PTP4A1: variants seen among roughly 807,000 people sequenced by gnomAD.
PTP4A1 encodes the protein protein tyrosine phosphatase 4A1.
Under a neutral mutation model 20.5 loss-of-function variants are expected in PTP4A1, and 9 were observed. The observed-to-expected ratio is 0.44, with a 90% CI of 0.26 to 0.77. The LOEUF is 0.77. Ranked by LOEUF, PTP4A1 falls within the 30% of genes least tolerant of loss-of-function variation. The pLI is 0.19. For synonymous variants in PTP4A1, 78 were observed against 67.4 expected (o/e 1.16, Z -0.77); for missense variants, 137 against 218.8 (o/e 0.63, Z 2.36).
Position 63,579,296 on chromosome 6 carries a change from A to T in PTP4A1, c.369A>T (p.Gly123=). 6.2e-7 allele frequency: 1 copy of T among 1,611,352 alleles called. No homozygotes were observed. The highest frequency in any genetic ancestry group is 8.5e-7 in the Non-Finnish European group (1 of 1,178,530). ...TTGCCCTAGCATTAATTGAAGGTGGAATGAAATACGAAGATGCAGTACAAT... is the reference window on the plus strand; with the variant it reads ...TTGCCCTAGCATTAATTGAAGGTGGTATGAAATACGAAGATGCAGTACAAT... ...VLVALALIEG[G]MKYEDAVQFI... Residue 123 remains glycine, a synonymous_variant, in exon 5 of 6, where the codon GGA becomes GGT. Transcript: ENST00000626021.
intron 4 of PTP4A1, 37 bp downstream of exon 4, chr6:63,579,065 C>G (rs148679337): frequency 1.3e-6 from 2 of 1,530,428 alleles, no homozygotes; most frequent in Non-Finnish European, 1.7e-6. Flanking sequence ...AGGTAAAAAT[C>G]TATTGATAAT....
At chr6:63,531,905 A>C (rs1041382656) in intron 2 of PTP4A1, among the ~76,000 whole-genome samples, 1 of 151,412 alleles carries the variant, frequency 6.6e-6, no homozygotes, top group African/African-American at 2.4e-5. Flanking sequence ...GGGTTCAAGC[A>C]ATTCTCTGCC....
chr6:63,557,066 CAAGTA>C (rs1776719069), intron 3 of PTP4A1, among the ~76,000 whole-genome samples: 1 of 152,094 alleles, frequency 6.6e-6, no homozygotes, highest in Non-Finnish European at 1.5e-5. Flanking sequence ...TATTATGTGC[CAAGTA>C]CTGTGTTAAG....
intron 3 of PTP4A1, among the ~76,000 whole-genome samples, chr6:63,562,558 A>G (rs1777011222): frequency 6.6e-6 from 1 of 152,196 alleles, no homozygotes. Flanking sequence ...GATATCACCC[A>G]CTATGAGTTG....
chr6:63,565,855 A>G (rs1216423283), intron 3 of PTP4A1, among the ~76,000 whole-genome samples: 1 of 152,256 alleles, frequency 6.6e-6, no homozygotes. Flanking sequence ...AAGGAAGAAA[A>G]TTAAGTCACT....
intron 2 of PTP4A1, chr6:63,549,417 C>G: frequency 5.3e-6 from 4 of 751,136 alleles, no homozygotes; most frequent in Non-Finnish European, 9.7e-6. Flanking sequence ...GTTTCTCAAA[C>G]AGGGGATTCA....
chr6:63,553,280 C>T (rs1010352014), intron 3 of PTP4A1, among the ~76,000 whole-genome samples: 8 of 152,098 alleles, frequency 5.3e-5, no homozygotes, highest in Non-Finnish European at 1.2e-4. Context: ...AATTTTGTAC[C>T]CAAAACCATG....
chr6:63,564,138 G>C (rs967597822), intron 3 of PTP4A1, among the ~76,000 whole-genome samples: 2 of 152,052 alleles, frequency 1.3e-5, no homozygotes, highest in Non-Finnish European at 2.9e-5. Context: ...AGCCGGGTGT[G>C]GTGGCAGGTG....
intron 5 of PTP4A1, 117 bp downstream of exon 5, chr6:63,579,448 A>G (rs1018321044): frequency 3.0e-6 from 2 of 669,350 alleles, no homozygotes; most frequent in Non-Finnish European, 4.6e-6. Context: ...AGATAGTATT[A>G]AAACCAGGAA....
intron 2 of PTP4A1, among the ~76,000 whole-genome samples, chr6:63,577,993 AAATCAGTAAAGT>A: frequency 6.6e-6 from 1 of 151,614 alleles, no homozygotes; most frequent in African/African-American, 2.4e-5. Flanking sequence ...CATTCAATGT[AAATCAGTAAAGT>A]TTAAGGAGTG....
chr6:63,547,436 T>A (rs1462730507), intron 2 of PTP4A1, among the ~76,000 whole-genome samples: 1 of 151,362 alleles, frequency 6.6e-6, no homozygotes, highest in Non-Finnish European at 1.5e-5. Flanking sequence ...GTGATTAATC[T>A]GCCTCGGCCT....
intron 1 of PTP4A1, among the ~76,000 whole-genome samples, chr6:63,575,419 T>C (rs1777789541): frequency 6.6e-6 from 1 of 152,242 alleles, no homozygotes. Context: ...TCCATGTACA[T>C]ATTTTAAAAA....
chr6:63,579,799 T>G (rs1341677536), intron 5 of PTP4A1, among the ~76,000 whole-genome samples: 1 of 152,232 alleles, frequency 6.6e-6, no homozygotes, highest in African/African-American at 2.4e-5. Context: ...TTTTGTCTTT[T>G]CGTGGACTTA....
At chr6:63,520,077 C>T (rs1007213768), upstream of PTP4A1, among the ~76,000 whole-genome samples, 2 of 152,114 alleles carry the variant, frequency 1.3e-5, no homozygotes, top group Non-Finnish European at 2.9e-5. Context: ...CATAAATTTG[C>T]GAGAACATAA....
At chr6:63,534,043 C>A (rs1303397788) in intron 2 of PTP4A1, among the ~76,000 whole-genome samples, 2 of 151,916 alleles carry the variant, frequency 1.3e-5, no homozygotes, top group Non-Finnish European at 2.9e-5. Flanking sequence ...GGGGTTTCAC[C>A]ATTTTGGCAG....
chr6:63,548,071 C>T (rs1615068), intron 2 of PTP4A1, among the ~76,000 whole-genome samples: 1,768 of 152,264 alleles, frequency 0.012, 28 homozygotes, highest in African/African-American at 0.04. Context: ...TTCCAAAACC[C>T]ACTACTCATC....
chr6:63,578,918 T>A lies in PTP4A1; in HGVS notation c.219T>A (p.Gly73=). The change falls in exon 4 of 6, where the codon GGT becomes GGA. Residue 73 remains glycine (G), a synonymous_variant. Transcript: ENST00000626021. The part of the protein sequence containing the change: ...IHVLDWPFDD[G]APPSNQIVDD... ...CTTAGGATTGGCCTTTTGATGATGG[T>A]GCACCACCATCCAACCAGATTGTTG... 7 of 1,586,882 alleles carry A rather than the reference T, an allele frequency of 4.4e-6. No individual in the cohort carries two copies. The highest frequency in any genetic ancestry group is 6.0e-6 in the Non-Finnish European group (7 of 1,170,322).
chr6:63,579,810 C>T (rs546746262), intron 5 of PTP4A1, among the ~76,000 whole-genome samples: 1 of 152,138 alleles, frequency 6.6e-6, no homozygotes, highest in South Asian at 2.1e-4. Flanking sequence ...CGTGGACTTA[C>T]GTGTAAATGG....
intron 1 of PTP4A1, among the ~76,000 whole-genome samples, chr6:63,524,675 A>C (rs1426188739): frequency 1.3e-5 from 2 of 152,250 alleles, no homozygotes; most frequent in East Asian, 3.8e-4. Context: ...CCAAAGCAAA[A>C]GAGAAATGCA....
Sources: gnomAD v4.1 joint callset for allele counts (sites outside exome capture counted in the v4.1 genomes callset) on GRCh38, gnomAD v4.1.1 for gene constraint, MANE v1.5 for transcripts, NCBI Gene and HGNC (gene_info 2026-07-23, HGNC 2026-07-21) for gene names.